TIAM1: variants seen among roughly 807,000 people sequenced by gnomAD.
The protein encoded by TIAM1 is rho guanine nucleotide exchange factor TIAM1.
A neutral mutation model predicts 163.5 loss-of-function variants in TIAM1; 65 were observed. The ratio of observed to expected loss-of-function variants is 0.40; its 90% CI spans 0.33 to 0.49. TIAM1 has a LOEUF of 0.49. TIAM1 is among the 20% of genes least tolerant of loss of function. The probability of loss-of-function intolerance (pLI) is 0.77; values close to 1 mark genes in which losing one functional copy is unlikely to be tolerated. For missense variants in TIAM1, 1,789 were observed against 2,044.7 expected, an observed-to-expected ratio of 0.87 and a Z score of 2.41; for synonymous variants, 833 against 810.1, an observed-to-expected ratio of 1.03 and a Z score of -0.48.
intron 13 of TIAM1, among the ~76,000 whole-genome samples, chr21:31,191,189 G>A (rs1272522294): frequency 1.3e-5 from 2 of 151,906 alleles, no homozygotes; most frequent in Non-Finnish European, 2.9e-5. Context: ...TTGAGACAGA[G>A]TCTCACTCTG....
intron 2 of TIAM1, among the ~76,000 whole-genome samples, chr21:31,370,258 A>G (rs1463092978): frequency 6.6e-6 from 1 of 152,228 alleles, no homozygotes; most frequent in African/African-American, 2.4e-5. Flanking sequence ...ATGAGCTGTT[A>G]AAAAATTATG....
chr21:31,301,499 A>G (rs1394867691), intron 2 of TIAM1, among the ~76,000 whole-genome samples: 4 of 152,214 alleles, frequency 2.6e-5, no homozygotes, highest in Non-Finnish European at 5.9e-5. Flanking sequence ...TTATCCATCC[A>G]TGCTATCTAG....
At position 31,395,668 on chromosome 21, in the gene TIAM1, A is replaced by G. The variant is rs777694923; in HGVS notation, c.-368-56246T>C. Among the ~76,000 whole-genome samples, 2 of 152,198 alleles carry G rather than the reference A, an allele frequency of 1.3e-5. No homozygotes were observed. The highest frequency in any genetic ancestry group is 1.5e-5 in the Non-Finnish European group (1 of 68,030). On this transcript the variant is annotated intron_variant, in intron 2 of 28. Coordinates refer to the TIAM1 transcript ENST00000286827. This position sits in a 1 kb window ranked among gnomAD's most constrained non-coding sequence, Gnocchi z 7.5. ...GTAGTAAAAGGTGCTGGACGAGAGA[A>G]TAAATATTGACTAAAACATCTATCT...
intron 2 of TIAM1, among the ~76,000 whole-genome samples, chr21:31,297,631 G>A (rs532052286): frequency 8.5e-5 from 13 of 152,258 alleles, no homozygotes; most frequent in Admixed American, 2.6e-4. Context: ...TGATCCACCC[G>A]CCTTGGCCTC....
intron 2 of TIAM1, among the ~76,000 whole-genome samples, chr21:31,338,214 C>T (rs889081701): frequency 1.3e-5 from 2 of 152,176 alleles, no homozygotes; most frequent in Admixed American, 6.5e-5. Flanking sequence ...GAACAAGTCA[C>T]GGCAAGATCT....
At chr21:31,258,556 A>T (rs1163743147) in intron 4 of TIAM1, among the ~76,000 whole-genome samples, 1 of 152,200 alleles carries the variant, frequency 6.6e-6, no homozygotes, top group Non-Finnish European at 1.5e-5. Flanking sequence ...ATTAGGCTGG[A>T]CGCAGTGGCT....
chr21:31,139,008 T>C (rs2082729777), intron 22 of TIAM1, among the ~76,000 whole-genome samples: 1 of 152,230 alleles, frequency 6.6e-6, no homozygotes. Flanking sequence ...ACATTTCTTT[T>C]TACAATCTCA....
At position 31,305,079 on chromosome 21, in the gene TIAM1, GAGAC is replaced by G. The variant is rs971580030; in HGVS notation, c.-188-28175_-188-28172del. Among the ~76,000 whole-genome samples the G allele has an allele frequency of 1.4e-3, 217 of 152,184 alleles. 1 individual carries two copies. Among genetic ancestry groups the G allele is most frequent in the African/African-American group, 4.3e-3 (177 of 41,504 alleles). The stretch of plus-strand genomic sequence containing the variant: ...CTGTAGTAACTTTATATGTGTACAA[GAGAC>G]AGACAGACAACATTTATAAAATAAA... On this transcript the variant is annotated intron_variant, in intron 2 of 27. Coordinates refer to ENST00000541036, the MANE Select transcript of TIAM1 (RefSeq NM_001353694.2).
At position 31,339,421 on chromosome 21, in the gene TIAM1, A is replaced by G. The variant is rs967232685; in HGVS notation, c.-367T>C. On this transcript the variant is annotated splice_region_variant and 5_prime_UTR_variant, in exon 2 of 28. Transcript: ENST00000541036. ...GTGGGTCTCAGTCCACAGTGATTCT[A>G]CCTATAAGAGCAACATAAGAAAATA... 1 of 398,424 alleles carries G rather than the reference A, an allele frequency of 2.5e-6. No homozygotes were observed. The highest frequency in any genetic ancestry group is 4.4e-6 in the Non-Finnish European group (1 of 226,092). 24.7% of individuals were successfully genotyped at this position (398,424 alleles called of 1,614,324 possible). A position where few individuals can be genotyped will look rare whatever the true frequency, so the allele number is the denominator to read the frequency against.
intron 2 of TIAM1, among the ~76,000 whole-genome samples, chr21:31,437,330 C>T (rs1443836394): frequency 6.6e-6 from 1 of 151,984 alleles, no homozygotes; most frequent in Non-Finnish European, 1.5e-5. Context: ...TGGTGAAACC[C>T]ATCTCTACTA....
intron 1 of TIAM1, among the ~76,000 whole-genome samples, chr21:31,500,398 T>C (rs956584960): frequency 6.6e-6 from 1 of 152,100 alleles, no homozygotes; most frequent in African/African-American, 2.4e-5. Flanking sequence ...GCATCCGCCA[T>C]GCAGTAGACC....
intron 4 of TIAM1, among the ~76,000 whole-genome samples, chr21:31,256,620 C>CACAA: frequency 6.6e-6 from 1 of 150,810 alleles, no homozygotes; most frequent in Admixed American, 6.6e-5. Context: ...CACACACACA[C>CACAA]ACACACACGT....
chr21:31,500,235 G>T (rs1294695201), intron 1 of TIAM1, among the ~76,000 whole-genome samples: 1 of 152,132 alleles, frequency 6.6e-6, no homozygotes, highest in Non-Finnish European at 1.5e-5. Flanking sequence ...CCCTTGGAAA[G>T]GCCAGCTTGC....
intron 15 of TIAM1, among the ~76,000 whole-genome samples, chr21:31,180,101 T>C (rs1331394657): frequency 6.6e-6 from 1 of 152,110 alleles, no homozygotes; most frequent in Non-Finnish European, 1.5e-5. Flanking sequence ...AGGTGGTGTT[T>C]CACCATGTTG....
intron 2 of TIAM1, among the ~76,000 whole-genome samples, chr21:31,310,554 A>G (rs564552516): frequency 3.9e-5 from 6 of 152,112 alleles, no homozygotes; most frequent in Admixed American, 1.3e-4. Context: ...CCACTCCAAT[A>G]AAGTCTGGGA....
intron 1 of TIAM1, among the ~76,000 whole-genome samples, chr21:31,522,413 G>A (rs1196027638): frequency 2.6e-5 from 4 of 151,546 alleles, no homozygotes; most frequent in African/African-American, 9.7e-5. Context: ...AGTAGGCTGA[G>A]GCAGGAGAAT....
In TIAM1 at chr21:31,295,193, A is replaced by T. The variant is rs192856875; in HGVS notation, c.-188-18285T>A. ...ACTTCTTAAAGGGTCTTAAAGGGCC[A>T]GGTGCGGTGGCTTACGCCTGCAATC... On this transcript the variant is annotated intron_variant, in intron 2 of 27. Coordinates refer to ENST00000541036, the MANE Select transcript of TIAM1 (RefSeq NM_001353694.2). Among the ~76,000 whole-genome samples, 311 of 152,296 alleles carry T rather than the reference A, an allele frequency of 2.0e-3. 1 individual carries two copies. Among genetic ancestry groups the T allele is most frequent in the African/African-American group, 7.2e-3 (299 of 41,578 alleles).
At chr21:31,353,829 A>ATC (rs2076272139) in intron 2 of TIAM1, among the ~76,000 whole-genome samples, 5 of 67,228 alleles carry the variant, frequency 7.4e-5, no homozygotes, top group South Asian at 1.1e-3. Context: ...TTATTTATTT[A>ATC]TTTATCTTTT....
intron 1 of TIAM1, among the ~76,000 whole-genome samples, chr21:31,469,271 C>T (rs758635451): frequency 6.6e-6 from 1 of 151,036 alleles, no homozygotes; most frequent in Admixed American, 6.6e-5. Context: ...TGGGAAGCAG[C>T]AGGGGGGTTG....
Sources: allele counts gnomAD v4.1 joint callset (sites outside exome capture counted in the v4.1 genomes callset), GRCh38; gene constraint gnomAD v4.1.1; non-coding constraint Gnocchi (gnomAD v3.1); transcripts MANE v1.5; gene names NCBI Gene and HGNC (gene_info 2026-07-23, HGNC 2026-07-21).